Variants in MBD5 observed in about 807,000 individuals in gnomAD.
MBD5 encodes the protein methyl-CpG binding domain protein 5, also known as methyl-CpG-binding domain protein 5.
Under a neutral mutation model 117.3 loss-of-function variants are expected in MBD5, and 13 were observed. The observed-to-expected ratio is 0.11, with a 90% CI of 0.07 to 0.18. MBD5 has a LOEUF of 0.18. Ranked by LOEUF, MBD5 falls within the 10% of genes least tolerant of loss-of-function variation. MBD5 has a pLI of 1.00. For synonymous variants in MBD5, 727 were observed against 766.4 expected (o/e 0.95, Z 0.85); for missense variants, 1,879 against 2,093.8 (o/e 0.90, Z 2.00).
chr2:148,446,083 G>C (rs1429747273), intron 4 of MBD5, among the ~76,000 whole-genome samples: 1 of 150,830 alleles, frequency 6.6e-6, no homozygotes, highest in Non-Finnish European at 1.5e-5. Context: ...TCTGTAGGTT[G>C]CCTGTTCACT....
chr2:148,362,508 C>T (rs1307178034), intron 4 of MBD5, among the ~76,000 whole-genome samples: 1 of 152,138 alleles, frequency 6.6e-6, no homozygotes, highest in Non-Finnish European at 1.5e-5. Context: ...ACATAAAACT[C>T]CCATCTCCCT....
chr2:148,392,026 TTTTG>T (rs2105538543), intron 4 of MBD5, among the ~76,000 whole-genome samples: 1 of 152,278 alleles, frequency 6.6e-6, no homozygotes, highest in African/African-American at 2.4e-5. Context: ...ATATGTAAAT[TTTTG>T]TTTTTCTTTT....
chr2:148,255,060 C>T (rs1262795126), intron 3 of MBD5, among the ~76,000 whole-genome samples: 2 of 152,242 alleles, frequency 1.3e-5, no homozygotes, highest in Admixed American at 1.3e-4. Context: ...ACAGAACCAA[C>T]AGCTGGAAAC....
chr2:148,280,640 G>A (rs1032307378), intron 3 of MBD5, among the ~76,000 whole-genome samples: 3 of 152,098 alleles, frequency 2.0e-5, no homozygotes, highest in Non-Finnish European at 4.4e-5. Flanking sequence ...ATGTTGCCCA[G>A]GCGGGCCTCA....
intron 1 of MBD5, among the ~76,000 whole-genome samples, chr2:148,099,253 C>T (rs1696145598): frequency 1.3e-5 from 2 of 151,960 alleles, no homozygotes; most frequent in Non-Finnish European, 1.5e-5. Flanking sequence ...TAAAAACTTA[C>T]AAGAATTAGA....
chr2:148,310,965 T>G (rs566316613), intron 3 of MBD5, among the ~76,000 whole-genome samples: 14 of 152,276 alleles, frequency 9.2e-5, no homozygotes, highest in African/African-American at 3.4e-4. Context: ...TTTGAGTGAG[T>G]TTCTTAATCC....
chr2:148,142,732 A>G (rs532795467), intron 1 of MBD5, among the ~76,000 whole-genome samples: 31 of 152,332 alleles, frequency 2.0e-4, no homozygotes, highest in African/African-American at 7.5e-4. Context: ...GTACCCTAAC[A>G]ACAGAGCCTT....
intron 1 of MBD5, among the ~76,000 whole-genome samples, chr2:148,116,721 C>T (rs1393996252): frequency 6.6e-6 from 1 of 152,192 alleles, no homozygotes. Context: ...TGCAGTATCT[C>T]TCTTCATTGA....
At chr2:148,421,985 A>G (rs1042785805) in intron 4 of MBD5, among the ~76,000 whole-genome samples, 2 of 152,164 alleles carry the variant, frequency 1.3e-5, no homozygotes, top group African/African-American at 4.8e-5. Context: ...ACCTGGGGGA[A>G]GGGGCAGTTG....
chr2:148,418,515 A>G (rs1019886614), intron 4 of MBD5, among the ~76,000 whole-genome samples: 2 of 152,210 alleles, frequency 1.3e-5, no homozygotes, highest in African/African-American at 2.4e-5. Flanking sequence ...TAAAAAATGT[A>G]TTTAGCAAAG....
At chr2:148,392,825 C>A (rs1043200465) in intron 4 of MBD5, among the ~76,000 whole-genome samples, 9 of 152,090 alleles carry the variant, frequency 5.9e-5, no homozygotes, top group Admixed American at 5.2e-4. Flanking sequence ...CGGACCCATT[C>A]TTAATACAGT....
At chr2:148,468,265 C>T in intron 7 of MBD5, 76 bp from the exon 8 acceptor site, 2 of 1,265,470 alleles carry the variant, frequency 1.6e-6, no homozygotes, top group Non-Finnish European at 1.1e-6. Flanking sequence ...TCCTGATTTC[C>T]TCCATTCCTT....
intron 8 of MBD5, among the ~76,000 whole-genome samples, chr2:148,472,853 C>A (rs1171366335): frequency 6.6e-6 from 1 of 152,124 alleles, no homozygotes; most frequent in South Asian, 2.1e-4. Flanking sequence ...TATATTATTT[C>A]TAATCTGTGC....
chr2:148,441,227 G>A (rs1047132800), intron 4 of MBD5, among the ~76,000 whole-genome samples: 6 of 152,008 alleles, frequency 3.9e-5, no homozygotes, highest in Non-Finnish European at 8.8e-5. Flanking sequence ...TTAACATTAG[G>A]TATATCTCCT....
At chr2:148,197,806 G>GTT (rs67499597) in intron 2 of MBD5, among the ~76,000 whole-genome samples, 80 of 92,460 alleles carry the variant, frequency 8.7e-4, no homozygotes, top group African/African-American at 2.4e-3. Context: ...TTTTTTTTTT[G>GTT]TTTTTTTTTT....
At chr2:148,305,127 A>T (rs990257578) in intron 3 of MBD5, among the ~76,000 whole-genome samples, 8 of 152,222 alleles carry the variant, frequency 5.3e-5, no homozygotes, top group African/African-American at 1.9e-4. Context: ...AGGATGGGAG[A>T]TTTTTGCTAA....
At chr2:148,155,563 CT>C (rs1697852940) in intron 1 of MBD5, among the ~76,000 whole-genome samples, 1 of 151,994 alleles carries the variant, frequency 6.6e-6, no homozygotes, top group Non-Finnish European at 1.5e-5. Context: ...TCCTATGTTA[CT>C]CTTCTGCCTA....
At position 148,021,575 on chromosome 2, in the gene MBD5, G is replaced by A. The variant is rs1397373415; in HGVS notation, c.-1034G>A. On this transcript the variant is annotated 5_prime_UTR_variant, in exon 1 of 14. Coordinates refer to ENST00000642680, the MANE Select transcript of MBD5 (RefSeq NM_001378120.1). ...ACACCCAGGAGCAGCCACTTCCCCAGCTCTCCTCCTCCTCCTTCGCCTCCT... is the reference window on the plus strand; with the variant it reads ...ACACCCAGGAGCAGCCACTTCCCCAACTCTCCTCCTCCTCCTTCGCCTCCT... 1.9e-6 allele frequency: 1 copy of A among 528,834 alleles called. No homozygotes were observed. The highest frequency in any genetic ancestry group is 3.7e-6 in the Non-Finnish European group (1 of 273,270). 32.8% of individuals were successfully genotyped at this position (528,834 alleles called of 1,614,324 possible). A position where few individuals can be genotyped will look rare whatever the true frequency, so the allele number is the denominator to read the frequency against.
chr2:148,348,261 C>T (rs1303026667), intron 4 of MBD5, among the ~76,000 whole-genome samples: 1 of 151,920 alleles, frequency 6.6e-6, no homozygotes, highest in East Asian at 1.9e-4. Context: ...ACCTGTTCCT[C>T]TCCTTCCCTC....
Sources: allele counts gnomAD v4.1 joint callset (sites outside exome capture counted in the v4.1 genomes callset), GRCh38; gene constraint gnomAD v4.1.1; transcripts MANE v1.5; gene names NCBI Gene and HGNC (gene_info 2026-07-23, HGNC 2026-07-21).